Variants in PTPRD observed in about 807,000 individuals in gnomAD.
PTPRD encodes protein tyrosine phosphatase receptor type D, also known as receptor-type tyrosine-protein phosphatase delta.
PTPRD carries 34 observed loss-of-function variants against 214.5 expected under a neutral mutation model. The observed-to-expected ratio is 0.16, with a 90% confidence interval of 0.12 to 0.21. The LOEUF is 0.21. Ranked by LOEUF, PTPRD falls within the 10% of genes least tolerant of loss-of-function variation. The pLI, the probability that PTPRD is intolerant of heterozygous loss-of-function variation, is 1.00. For synonymous variants in PTPRD, 1,128 were observed against 845.7 expected, an observed-to-expected ratio of 1.33 and a Z score of -5.79; for missense variants, 2,545 against 2,398.7, an observed-to-expected ratio of 1.06 and a Z score of -1.27.
intron 11 of PTPRD, among the ~76,000 whole-genome samples, chr9:8,741,232 C>T (rs2091848944): frequency 6.6e-6 from 1 of 152,078 alleles, no homozygotes; most frequent in South Asian, 2.1e-4. Context: ...CCTCATCTCC[C>T]TTTGTATCTA....
intron 2 of PTPRD, among the ~76,000 whole-genome samples, chr9:10,427,992 A>G (rs2154519586): frequency 6.6e-6 from 1 of 152,198 alleles, no homozygotes; most frequent in South Asian, 2.1e-4. Context: ...GTTAAGTAAT[A>G]AGTTTAAATA....
intron 6 of PTPRD, among the ~76,000 whole-genome samples, chr9:9,741,339 A>G (rs1243659893): frequency 1.5e-5 from 2 of 132,042 alleles, no homozygotes; most frequent in Non-Finnish European, 3.1e-5. Context: ...ACAGGCAATC[A>G]ATGAAATTTC....
chr9:9,854,111 T>C (rs926287461), intron 5 of PTPRD, among the ~76,000 whole-genome samples: 1 of 152,206 alleles, frequency 6.6e-6, no homozygotes, highest in Non-Finnish European at 1.5e-5. Flanking sequence ...TATCTAATTG[T>C]AGTCTTGTAA....
At chr9:10,326,265 C>CA (rs147694378) in intron 3 of PTPRD, among the ~76,000 whole-genome samples, 6,732 of 151,480 alleles carry the variant, frequency 0.044, 188 homozygotes, top group South Asian at 0.12. Context: ...TGCTAATGTC[C>CA]AAAAAAGAGT....
chr9:9,737,124 T>G (rs958518194), intron 6 of PTPRD, among the ~76,000 whole-genome samples: 1 of 152,114 alleles, frequency 6.6e-6, no homozygotes, highest in East Asian at 1.9e-4. Flanking sequence ...TTTTCCAAAT[T>G]GGTCCAGCAA....
In PTPRD at chr9:8,733,899, G is replaced by C; in HGVS notation, c.-56C>G. ...GCTTGGAATCACTGCCTCCGGAGCC[G>C]CAGCGAGTCTGTCCGATCTGAAATT... On this transcript the variant is annotated 5_prime_UTR_variant, in exon 12 of 46. Coordinates refer to ENST00000381196, the MANE Select transcript of PTPRD (RefSeq NM_002839.4). 1 of 1,510,360 alleles carries C rather than the reference G, an allele frequency of 6.6e-7. No homozygotes were observed. Among genetic ancestry groups the C allele is most frequent in the Non-Finnish European group, 9.0e-7 (1 of 1,115,076 alleles). 93.6% of individuals were successfully genotyped at this position (1,510,360 alleles called of 1,614,324 possible).
intron 10 of PTPRD, among the ~76,000 whole-genome samples, chr9:9,086,311 G>T (rs750308228): frequency 1.3e-5 from 2 of 152,162 alleles, no homozygotes. Flanking sequence ...ATATGGAGAT[G>T]TTTGGTTTAA....
chr9:9,927,040 G>A (rs527662274), intron 5 of PTPRD, among the ~76,000 whole-genome samples: 2 of 152,078 alleles, frequency 1.3e-5, no homozygotes, highest in African/African-American at 4.8e-5. Flanking sequence ...TATTTTATAT[G>A]CCTTAGGAGA....
intron 14 of PTPRD, among the ~76,000 whole-genome samples, chr9:8,613,700 G>A (rs1020934996): frequency 5.3e-5 from 8 of 152,072 alleles, no homozygotes; most frequent in Admixed American, 2.6e-4. Flanking sequence ...TCTGCCACTC[G>A]CTGAGCCTGA....
chr9:10,360,679 C>A (rs547751082), intron 2 of PTPRD, among the ~76,000 whole-genome samples: 1 of 152,180 alleles, frequency 6.6e-6, no homozygotes, highest in South Asian at 2.1e-4. Context: ...TTGATGACCC[C>A]CCAAAAGCTT....
chr9:10,254,120 A>C (rs1433912754), intron 3 of PTPRD, among the ~76,000 whole-genome samples: 1 of 152,230 alleles, frequency 6.6e-6, no homozygotes, highest in East Asian at 1.9e-4. Flanking sequence ...AGAACAAGTC[A>C]ACTCATAATC....
intron 11 of PTPRD, among the ~76,000 whole-genome samples, chr9:8,748,401 G>T (rs2093092009): frequency 6.6e-6 from 1 of 151,682 alleles, no homozygotes; most frequent in Non-Finnish European, 1.5e-5. Context: ...CAGCAGGAGG[G>T]ACAAGGATCA....
intron 8 of PTPRD, among the ~76,000 whole-genome samples, chr9:9,499,874 G>A (rs887691458): frequency 3.9e-5 from 6 of 151,944 alleles, no homozygotes; most frequent in Admixed American, 3.9e-4. Context: ...GTAAACACTA[G>A]AGCCAAATAA....
intron 3 of PTPRD, among the ~76,000 whole-genome samples, chr9:10,192,042 A>G (rs1421148008): frequency 6.6e-6 from 1 of 152,204 alleles, no homozygotes; most frequent in Non-Finnish European, 1.5e-5. Flanking sequence ...AGAAAGATGG[A>G]TGAAACAACT....
chr9:10,309,566 T>C (rs10959040), intron 3 of PTPRD, among the ~76,000 whole-genome samples: 11,915 of 150,840 alleles, frequency 0.079, 602 homozygotes, highest in Non-Finnish European at 0.11. Context: ...GGTTTCACCA[T>C]GTTGGTCAGG....
intron 43 of PTPRD, among the ~76,000 whole-genome samples, chr9:8,332,406 G>A (rs914445484): frequency 6.6e-6 from 1 of 152,114 alleles, no homozygotes; most frequent in African/African-American, 2.4e-5. Flanking sequence ...GTGCTGTTAA[G>A]TGGGAAGTAA....
intron 3 of PTPRD, among the ~76,000 whole-genome samples, chr9:10,083,395 T>G (rs1361653598): frequency 6.6e-6 from 1 of 152,008 alleles, no homozygotes; most frequent in Admixed American, 6.6e-5. Flanking sequence ...TGTGGCTGTA[T>G]GAAAAGGGCA....
intron 44 of PTPRD, among the ~76,000 whole-genome samples, chr9:8,320,570 G>C (rs997726555): frequency 3.9e-5 from 6 of 151,956 alleles, no homozygotes; most frequent in Non-Finnish European, 7.4e-5. Flanking sequence ...GTAAGTGTAC[G>C]TACACATGAA....
rs547599276 is a variant in PTPRD at position 10,255,348 on chromosome 9, G to A, written c.-545+85615C>T. Among the ~76,000 whole-genome samples the A allele has an allele frequency of 3.3e-5, 5 of 152,290 alleles. No individual in the cohort carries two copies. The East Asian group carries it at 9.6e-4, about 29-fold the overall frequency. ...CCTATTGCTCCGAGGCTACAAACCT[G>A]TATAGCATGTTAATACTGAATGCCA... On this transcript the variant is annotated intron_variant, in intron 3 of 45. Coordinates refer to ENST00000381196, the MANE Select transcript of PTPRD (RefSeq NM_002839.4).
Sources: allele counts gnomAD v4.1 joint callset (sites outside exome capture counted in the v4.1 genomes callset), GRCh38; gene constraint gnomAD v4.1.1; transcripts MANE v1.5; gene names NCBI Gene and HGNC (gene_info 2026-07-23, HGNC 2026-07-21).